Variants in SGF29 observed in about 807,000 individuals in gnomAD.
SGF29 encodes the protein SAGA complex associated factor 29.
In SGF29, 15 loss-of-function variants were observed where a neutral mutation model predicts 38.1. The ratio of observed to expected loss-of-function variants is 0.39; its 90% CI spans 0.26 to 0.61. The LOEUF is 0.61. Among genes scored for constraint, SGF29 ranks in the 20% least tolerant of loss-of-function variants. The pLI is 0.49. For synonymous variants in SGF29, 151 were observed against 160.8 expected (o/e 0.94, Z 0.46); for missense variants, 184 against 394.6 (o/e 0.47, Z 4.52).
intron 1 of SGF29, among the ~76,000 whole-genome samples, chr16:28,575,579 G>C (rs2046887845): frequency 6.6e-6 from 1 of 152,182 alleles, no homozygotes; most frequent in Admixed American, 6.5e-5. Context: ...CAGCTACTCA[G>C]GAGGCTGAGG....
intron 4 of SGF29, 73 bp from the exon 5 acceptor site, chr16:28,589,027 C>G (rs1036548512): frequency 1.3e-6 from 2 of 1,560,368 alleles, no homozygotes; most frequent in African/African-American, 1.4e-5. Context: ...TGACCCAAAA[C>G]AGAAAAAATG....
At chr16:28,591,566 C>G in intron 9 of SGF29, 24 bp from the exon 10 acceptor site, 1 of 1,548,306 alleles carries the variant, frequency 6.5e-7, no homozygotes, top group Non-Finnish European at 8.9e-7. Context: ...TCTGAGCAGC[C>G]CCTCCTGTCT....
At chr16:28,572,258 G>A (rs1212986200) in intron 1 of SGF29, among the ~76,000 whole-genome samples, 1 of 151,470 alleles carries the variant, frequency 6.6e-6, no homozygotes, top group African/African-American at 2.4e-5. Context: ...TTACAGGCGT[G>A]AGCCACTGCG....
chr16:28,585,292 G>GC (rs1490407879), intron 3 of SGF29: 1 of 512,650 alleles, frequency 2.0e-6, no homozygotes, highest in Admixed American at 3.4e-5. Flanking sequence ...GGCGGCCCCT[G>GC]CATCTGCCCT....
intron 3 of SGF29, 71 bp from the exon 4 acceptor site, chr16:28,585,577 T>G (rs1315856375): frequency 7.6e-7 from 1 of 1,307,592 alleles, no homozygotes; most frequent in Non-Finnish European, 1.1e-6. Context: ...GTGATTCCGG[T>G]GCATGGAAGC....
chr16:28,572,169 G>C (rs2046868805), intron 1 of SGF29, among the ~76,000 whole-genome samples: 1 of 151,896 alleles, frequency 6.6e-6, no homozygotes, highest in South Asian at 2.1e-4. Flanking sequence ...GTGGAGATGG[G>C]GTTTCACTGT....
intron 1 of SGF29, among the ~76,000 whole-genome samples, chr16:28,579,991 A>G (rs1461586410): frequency 6.6e-6 from 1 of 152,172 alleles, no homozygotes; most frequent in Non-Finnish European, 1.5e-5. Flanking sequence ...TATGACTTGG[A>G]AAGTGTCTTC....
intron 1 of SGF29, among the ~76,000 whole-genome samples, chr16:28,579,164 T>C (rs2046911457): frequency 1.3e-5 from 2 of 152,074 alleles, no homozygotes; most frequent in African/African-American, 2.4e-5. Context: ...TTATCAAATA[T>C]ACCTTTATCT....
At chr16:28,572,969 AG>A (rs2046873715) in intron 1 of SGF29, among the ~76,000 whole-genome samples, 1 of 151,750 alleles carries the variant, frequency 6.6e-6, no homozygotes, top group Non-Finnish European at 1.5e-5. Flanking sequence ...CTGGCCTCCC[AG>A]CTGTACTCCC....
In SGF29 at chr16:28,590,679, G is replaced by A. The variant is rs745912497; in HGVS notation, c.602+13G>A. The A allele has an allele frequency of 3.1e-6, 5 of 1,614,022 alleles. No homozygotes were observed. The highest frequency in any genetic ancestry group is 1.6e-4 in the Middle Eastern group (1 of 6,066). Reference sequence around the variant, plus strand: ...AAGAAGGCAAAGAGTGAGTGTCCAGGCCAGGGCAGGGCATGGAGCCTGGGG... The same window carrying A: ...AAGAAGGCAAAGAGTGAGTGTCCAGACCAGGGCAGGGCATGGAGCCTGGGG... On this transcript the variant is annotated intron_variant, in intron 8 of 9. Transcript: ENST00000317058. This position sits in a 1 kb window ranked among gnomAD's most constrained non-coding sequence, Gnocchi z 8.2.
At chr16:28,580,447 C>T (rs754550002) in intron 1 of SGF29, among the ~76,000 whole-genome samples, 2 of 152,158 alleles carry the variant, frequency 1.3e-5, no homozygotes, top group African/African-American at 4.8e-5. Flanking sequence ...CGTTACTCCG[C>T]GCATCTCTCC....
intron 1 of SGF29, among the ~76,000 whole-genome samples, chr16:28,568,717 A>C (rs1181216119): frequency 6.6e-6 from 1 of 152,124 alleles, no homozygotes; most frequent in Non-Finnish European, 1.5e-5. Flanking sequence ...GATCGAGACC[A>C]TCCTGGCCAA....
intron 2 of SGF29, among the ~76,000 whole-genome samples, chr16:28,582,099 C>T (rs1220570188): frequency 6.6e-6 from 1 of 152,156 alleles, no homozygotes; most frequent in Non-Finnish European, 1.5e-5. Context: ...GTGCACCGCA[C>T]AGCCAGGAAG....
chr16:28,570,414 C>T (rs577002780), intron 1 of SGF29, among the ~76,000 whole-genome samples: 3 of 152,136 alleles, frequency 2.0e-5, no homozygotes, highest in Non-Finnish European at 4.4e-5. Context: ...CTATGCCTGT[C>T]CCACCGTTGT....
At chr16:28,573,638 G>A (rs1324705504) in intron 1 of SGF29, among the ~76,000 whole-genome samples, 2 of 152,180 alleles carry the variant, frequency 1.3e-5, no homozygotes, top group Non-Finnish European at 2.9e-5. Flanking sequence ...GCTGACAGTC[G>A]GAGGGGAGAT....
intron 1 of SGF29, among the ~76,000 whole-genome samples, chr16:28,564,601 A>C (rs1165508553): frequency 7.5e-6 from 1 of 133,008 alleles, no homozygotes; most frequent in Non-Finnish European, 1.6e-5. Context: ...ACACACATAT[A>C]TGTGTATATA....
intron 1 of SGF29, among the ~76,000 whole-genome samples, chr16:28,570,085 G>A (rs1269314304): frequency 6.6e-6 from 1 of 152,150 alleles, no homozygotes; most frequent in Non-Finnish European, 1.5e-5. Context: ...GCAGAGCTAT[G>A]GGGGTAGGGT....
chr16:28,564,951 C>T (rs2046827777), intron 1 of SGF29, among the ~76,000 whole-genome samples: 1 of 151,420 alleles, frequency 6.6e-6, no homozygotes. Flanking sequence ...AGCCTTAAAA[C>T]CAGGGAAGCC....
chr16:28,571,332 G>A (rs35947053), intron 1 of SGF29, among the ~76,000 whole-genome samples: 2 of 152,176 alleles, frequency 1.3e-5, no homozygotes, highest in East Asian at 1.9e-4. Flanking sequence ...GGTGGCTCAC[G>A]CCTGTAATCT....
Sources: allele counts gnomAD v4.1 joint callset (sites outside exome capture counted in the v4.1 genomes callset), GRCh38; gene constraint gnomAD v4.1.1; non-coding constraint Gnocchi (gnomAD v3.1); transcripts MANE v1.5; gene names NCBI Gene and HGNC (gene_info 2026-07-23, HGNC 2026-07-21).